Variants in TBC1D22A observed in about 807,000 individuals in gnomAD.
TBC1D22A encodes the protein TBC1 domain family member 22A.
Under a neutral mutation model 60.2 loss-of-function variants are expected in TBC1D22A, and 38 were observed. That is an observed-to-expected ratio of 0.63 (90% CI 0.49 to 0.83). The LOEUF (loss-of-function observed/expected upper bound fraction) is 0.83, where lower values mean the gene tolerates loss of function less well. Ranked by LOEUF, TBC1D22A falls within the 40% of genes least tolerant of loss-of-function variation. The pLI is 0.00. For synonymous variants in TBC1D22A, 302 were observed against 281.7 expected (o/e 1.07, Z -0.72); for missense variants, 628 against 701.0 (o/e 0.90, Z 1.18).
chr22:46,835,305 G>A (rs751146896), intron 4 of TBC1D22A, among the ~76,000 whole-genome samples: 3 of 152,142 alleles, frequency 2.0e-5, no homozygotes, highest in Non-Finnish European at 2.9e-5. Context: ...CAAATTTCCT[G>A]ACAAAGAATT....
intron 11 of TBC1D22A, among the ~76,000 whole-genome samples, chr22:47,040,710 C>T (rs1203701547): frequency 6.6e-6 from 1 of 152,136 alleles, no homozygotes; most frequent in African/African-American, 2.4e-5. Flanking sequence ...GGACGTGACT[C>T]AGCAGCAGAG....
intron 7 of TBC1D22A, among the ~76,000 whole-genome samples, chr22:46,904,078 A>G (rs574789342): frequency 6.8e-6 from 1 of 147,910 alleles, no homozygotes; most frequent in East Asian, 2.0e-4. Context: ...ATGTATACAT[A>G]TATACATATC....
Position 46,792,503 on chromosome 22 carries a change from C to T in TBC1D22A, c.63-17C>T, listed in dbSNP as rs958436283. On this transcript the variant is annotated splice_polypyrimidine_tract_variant and intron_variant, in intron 1 of 12. Coordinates refer to ENST00000337137, the MANE Select transcript of TBC1D22A (RefSeq NM_014346.5). ...GCAGGAGAGAGGCTCACTGGTTTTC[C>T]TTTTCTTTTCCATCAGCATCCAGCA... 1.2e-6 allele frequency: 2 copies of T among 1,614,218 alleles called. No homozygotes were observed. The highest frequency in any genetic ancestry group is 1.7e-5 in the Admixed American group (1 of 60,028).
In TBC1D22A at chr22:46,843,571, G is replaced by C. The variant is rs540895507; in HGVS notation, c.638-35082G>C. The stretch of plus-strand genomic sequence containing the variant: ...TGGGTGACGCCTTTACACCCATCCA[G>C]CAAGTTGGGGCTGGGAGTGGGTATC... On this transcript the variant is annotated intron_variant, in intron 4 of 12. Transcript: ENST00000337137. 2.3e-4 allele frequency among the ~76,000 whole-genome samples: 35 copies of C among 152,166 alleles called. No individual in the cohort carries two copies. In the South Asian group the frequency reaches 7.3e-3, roughly 32 times the overall value.
At chr22:46,892,144 G>T (rs1439552031) in intron 6 of TBC1D22A, among the ~76,000 whole-genome samples, 1 of 152,116 alleles carries the variant, frequency 6.6e-6, no homozygotes, top group African/African-American at 2.4e-5. Context: ...TGGTATTATT[G>T]TCTTAGCTAT....
At chr22:47,155,039 G>C (rs1310601608) in intron 12 of TBC1D22A, among the ~76,000 whole-genome samples, 1 of 152,150 alleles carries the variant, frequency 6.6e-6, no homozygotes, top group Non-Finnish European at 1.5e-5. Context: ...AAGTCTTCAC[G>C]GGCTGAAAAA....
chr22:47,012,280 C>G (rs1436487147), intron 10 of TBC1D22A, among the ~76,000 whole-genome samples: 1 of 152,216 alleles, frequency 6.6e-6, no homozygotes, highest in Non-Finnish European at 1.5e-5. Flanking sequence ...AAAGTCTGAA[C>G]AGAAGATTCC....
chr22:46,944,724 CTT>C (rs1173223147), intron 8 of TBC1D22A, among the ~76,000 whole-genome samples: 1 of 152,136 alleles, frequency 6.6e-6, no homozygotes, highest in African/African-American at 2.4e-5. Flanking sequence ...AAAAATAAAA[CTT>C]TTCATTCCAT....
rs867752394 is a variant in TBC1D22A at position 46,904,137 on chromosome 22, A to C, written c.901-7937A>C. ...TATCTATCTATCTATCTATCTATCTATCTATCTACCTACCTACCTACCTAC... is the reference window on the plus strand; with the variant it reads ...TATCTATCTATCTATCTATCTATCTCTCTATCTACCTACCTACCTACCTAC... On this transcript the variant is annotated intron_variant, in intron 7 of 12. Coordinates refer to ENST00000337137, the MANE Select transcript of TBC1D22A (RefSeq NM_014346.5). 1.8e-3 allele frequency among the ~76,000 whole-genome samples: 172 copies of C among 95,428 alleles called. 1 individual carries two copies. The highest frequency in any genetic ancestry group is 0.015 in the Admixed American group (133 of 8,872). 62.6% of individuals were successfully genotyped at this position (95,428 alleles called of 152,430 possible). A position where few individuals can be genotyped will look rare whatever the true frequency, so the allele number is the denominator to read the frequency against.
intron 6 of TBC1D22A, among the ~76,000 whole-genome samples, chr22:46,893,138 T>C (rs2068489768): frequency 6.6e-6 from 1 of 152,168 alleles, no homozygotes; most frequent in Non-Finnish European, 1.5e-5. Flanking sequence ...AGGAGTGGGG[T>C]GGCCTCGGCA....
At chr22:47,140,644 G>A (rs2067049320) in intron 12 of TBC1D22A, among the ~76,000 whole-genome samples, 1 of 152,192 alleles carries the variant, frequency 6.6e-6, no homozygotes, top group East Asian at 1.9e-4. Context: ...CCGGAAGCTG[G>A]CCTTGCTTGG....
At chr22:47,132,837 C>T (rs906208506) in intron 12 of TBC1D22A, among the ~76,000 whole-genome samples, 6 of 152,208 alleles carry the variant, frequency 3.9e-5, no homozygotes, top group African/African-American at 9.6e-5. Context: ...TCCGCGGAAA[C>T]GCCATGTGAT....
At chr22:47,152,740 C>T (rs1257525824) in intron 12 of TBC1D22A, among the ~76,000 whole-genome samples, 1 of 152,186 alleles carries the variant, frequency 6.6e-6, no homozygotes, top group Non-Finnish European at 1.5e-5. Context: ...TCCCATTTTA[C>T]AGGCCCGGGC....
At chr22:46,941,637 C>T (rs866423016) in intron 8 of TBC1D22A, among the ~76,000 whole-genome samples, 187 of 139,640 alleles carry the variant, frequency 1.3e-3, no homozygotes, top group Middle Eastern at 3.9e-3. Context: ...TATATATACG[C>T]GGAATATATA....
At chr22:47,121,911 C>T (rs1025690210) in intron 12 of TBC1D22A, among the ~76,000 whole-genome samples, 9 of 151,746 alleles carry the variant, frequency 5.9e-5, no homozygotes, top group Admixed American at 1.3e-4. Context: ...GCCCGCCCCT[C>T]GGGTGTCCTG....
At chr22:46,926,594 A>T (rs1438890429) in intron 8 of TBC1D22A, among the ~76,000 whole-genome samples, 1 of 151,994 alleles carries the variant, frequency 6.6e-6, no homozygotes, top group Non-Finnish European at 1.5e-5. Context: ...TGTATTTTAG[A>T]TGTGATTAAC....
chr22:47,073,134 A>G (rs2064070119), intron 11 of TBC1D22A, among the ~76,000 whole-genome samples: 1 of 152,228 alleles, frequency 6.6e-6, no homozygotes, highest in Non-Finnish European at 1.5e-5. Context: ...GAAAAATGGT[A>G]CTGAAAGACT....
intron 10 of TBC1D22A, among the ~76,000 whole-genome samples, chr22:47,011,370 A>T (rs1262849195): frequency 6.6e-6 from 1 of 152,084 alleles, no homozygotes; most frequent in Non-Finnish European, 1.5e-5. Context: ...CTTGTGCCTT[A>T]TGGTGCCCCG....
At chr22:46,867,243 T>A (rs918987607) in intron 4 of TBC1D22A, among the ~76,000 whole-genome samples, 1 of 152,226 alleles carries the variant, frequency 6.6e-6, no homozygotes, top group African/African-American at 2.4e-5. Context: ...AAAAGATGTT[T>A]AGCACGAAGG....
Sources: allele counts gnomAD v4.1 joint callset (sites outside exome capture counted in the v4.1 genomes callset), GRCh38; gene constraint gnomAD v4.1.1; transcripts MANE v1.5; gene names NCBI Gene and HGNC (gene_info 2026-07-23, HGNC 2026-07-21).